The following CDC5L variants were observed in gnomAD, a reference collection of about 807,000 sequenced individuals.
CDC5L encodes cell division cycle 5 like.
A neutral mutation model predicts 104.1 loss-of-function variants in CDC5L; 18 were observed. The ratio of observed to expected loss-of-function variants is 0.17; its 90% CI spans 0.12 to 0.26. CDC5L has a LOEUF of 0.26. Ranked by LOEUF, CDC5L falls within the 10% of genes least tolerant of loss-of-function variation. The pLI is 1.00. For synonymous variants in CDC5L, 331 were observed against 322.7 expected, an observed-to-expected ratio of 1.03 and a Z score of -0.28; for missense variants, 673 against 956.9, an observed-to-expected ratio of 0.70 and a Z score of 3.91.
chr6:44,440,887 T>C (rs531989056), intron 14 of CDC5L, among the ~76,000 whole-genome samples: 14 of 152,138 alleles, frequency 9.2e-5, no homozygotes, highest in Admixed American at 6.5e-4. Flanking sequence ...TTTGTATTTT[T>C]AATAGAGATG....
Position 44,390,366 on chromosome 6 carries a change from C to A in CDC5L, c.144C>A (p.Ala48=). 1 of 1,594,204 alleles carries A rather than the reference C, an allele frequency of 6.3e-7. No individual in the cohort carries two copies. The highest frequency in any genetic ancestry group is 8.6e-7 in the Non-Finnish European group (1 of 1,162,534). Residue 48 remains alanine (A), a synonymous_variant, in exon 2 of 16, where the codon GCC becomes GCA. Transcript: ENST00000371477. The part of the protein sequence containing the change: ...LHRKSAKQCK[A]RWYEWLDPSI... ...GAAAATCAGCAAAGCAGTGCAAAGC[C>A]AGATGGTATGTATCAGTTTAATAAG... is the stretch of plus-strand genomic sequence containing the variant.
chr6:44,424,286 C>T, intron 10 of CDC5L, 133 bp from the exon 11 acceptor site: 1 of 755,474 alleles, frequency 1.3e-6, no homozygotes, highest in South Asian at 2.0e-5. Context: ...TCCAATTATT[C>T]TTAGTTATTT....
At chr6:44,400,680 C>A (rs1452075794) in intron 5 of CDC5L, among the ~76,000 whole-genome samples, 4 of 152,168 alleles carry the variant, frequency 2.6e-5, no homozygotes, top group Non-Finnish European at 5.9e-5. Flanking sequence ...GCGTGTCTGG[C>A]CAATTTTAGT....
chr6:44,425,866 A>C (rs111742042), intron 11 of CDC5L, among the ~76,000 whole-genome samples: 1 of 152,046 alleles, frequency 6.6e-6, no homozygotes, highest in Admixed American at 6.6e-5. Context: ...ATATGGATCC[A>C]TGCAAGTTTG....
At chr6:44,412,003 T>C (rs1236716506) in intron 8 of CDC5L, among the ~76,000 whole-genome samples, 1 of 152,050 alleles carries the variant, frequency 6.6e-6, no homozygotes, top group East Asian at 1.9e-4. Flanking sequence ...ACCTAAACAG[T>C]CCAGAATACA....
At chr6:44,400,512 A>G (rs1431420723) in intron 5 of CDC5L, among the ~76,000 whole-genome samples, 2 of 152,060 alleles carry the variant, frequency 1.3e-5, no homozygotes, top group Admixed American at 1.3e-4. Context: ...TTCAGCCTCC[A>G]GAGTAGCTGG....
In CDC5L at chr6:44,419,421, C is replaced by T. The variant is rs376245808; in HGVS notation, c.1093-28C>T. 9 of 1,611,300 alleles carry T rather than the reference C, an allele frequency of 5.6e-6. No homozygotes were observed. The African/African-American group carries it at 1.2e-4, about 22-fold the overall frequency. ...CTGCAAGTCTGTCTAAACTTTTAAA[C>T]TTGCTTCTTTGTCTTCTTGTTAATC... is the stretch of plus-strand genomic sequence containing the variant. On this transcript the variant is annotated intron_variant, in intron 8 of 15. Transcript: ENST00000371477.
intron 14 of CDC5L, among the ~76,000 whole-genome samples, chr6:44,432,160 A>G (rs996720398): frequency 1.3e-5 from 2 of 152,220 alleles, no homozygotes; most frequent in African/African-American, 4.8e-5. Context: ...GGTTTCTTTT[A>G]GCTTGTTTTA....
chr6:44,416,036 G>A (rs1349642033), intron 8 of CDC5L, among the ~76,000 whole-genome samples: 1 of 152,074 alleles, frequency 6.6e-6, no homozygotes, highest in African/African-American at 2.4e-5. Context: ...TGATAAAGGC[G>A]GTACCTCTGG....
At chr6:44,401,577 A>C (rs1791126608) in intron 5 of CDC5L, among the ~76,000 whole-genome samples, 1 of 152,076 alleles carries the variant, frequency 6.6e-6, no homozygotes, top group African/African-American at 2.4e-5. Flanking sequence ...TGGAATCTCC[A>C]TTCCTCTGAG....
At chr6:44,392,571 T>C in intron 2 of CDC5L, 96 bp from the exon 3 acceptor site, 1 of 1,091,816 alleles carries the variant, frequency 9.2e-7, no homozygotes, top group Non-Finnish European at 1.3e-6. Flanking sequence ...GTTTTTGTAA[T>C]TGAAGGATGA....
Position 44,401,923 on chromosome 6 carries a change from C to T in CDC5L, c.540-1886C>T, listed in dbSNP as rs1463316773. On this transcript the variant is annotated intron_variant, in intron 5 of 15. Transcript: ENST00000371477. The stretch of plus-strand genomic sequence containing the variant: ...TGCGGTGTTTGGTTTTTTGTTCTTG[C>T]GATAGTTTACTGAGAATGATGATTT... 4.5e-5 allele frequency among the ~76,000 whole-genome samples: 6 copies of T among 134,562 alleles called. No individual in the cohort carries two copies. In the South Asian group the frequency reaches 1.0e-3, roughly 23 times the overall value. 88.3% of individuals were successfully genotyped at this position (134,562 alleles called of 152,430 possible).
intron 10 of CDC5L, among the ~76,000 whole-genome samples, chr6:44,423,775 T>C (rs1039601491): frequency 5.9e-5 from 9 of 152,340 alleles, no homozygotes; most frequent in Non-Finnish European, 1.3e-4. Flanking sequence ...GGATTTAGTA[T>C]TTCCATTAAA....
In CDC5L at chr6:44,387,970, C is replaced by G; in HGVS notation, c.45+102C>G. 6 of 1,117,668 alleles carry G rather than the reference C, an allele frequency of 5.4e-6. No individual in the cohort carries two copies. The South Asian group carries it at 5.4e-5, about 10-fold the overall frequency. The allele number at this position is 1,117,668 out of a possible 1,614,324, so 69.2% of individuals were successfully genotyped here. A position where few individuals can be genotyped will look rare whatever the true frequency, so the allele number is the denominator to read the frequency against. On this transcript the variant is annotated intron_variant, in intron 1 of 15. Transcript: ENST00000371477. Reference sequence around the variant, plus strand: ...GGGCGACGAGGAGACCCTGTGGGGTCTGCGTGGAGGGCAGCCCGGGGGCTG... The same window carrying G: ...GGGCGACGAGGAGACCCTGTGGGGTGTGCGTGGAGGGCAGCCCGGGGGCTG...
At chr6:44,433,791 A>G (rs1792797578) in intron 14 of CDC5L, among the ~76,000 whole-genome samples, 1 of 152,194 alleles carries the variant, frequency 6.6e-6, no homozygotes. Flanking sequence ...TGAAGGTTAT[A>G]TTTCTGCAAA....
At chr6:44,442,941 GA>G (rs1347659693) in intron 14 of CDC5L, among the ~76,000 whole-genome samples, 1 of 152,038 alleles carries the variant, frequency 6.6e-6, no homozygotes, top group Non-Finnish European at 1.5e-5. Flanking sequence ...GCTATTGATT[GA>G]AAAAGTCTTT....
intron 14 of CDC5L, among the ~76,000 whole-genome samples, chr6:44,442,431 G>A (rs1793243623): frequency 6.6e-6 from 1 of 150,690 alleles, no homozygotes; most frequent in South Asian, 2.1e-4. Context: ...TTCTGTAGTG[G>A]TATGCTTTGG....
intron 5 of CDC5L, among the ~76,000 whole-genome samples, chr6:44,402,521 T>C (rs1791178909): frequency 2.0e-5 from 3 of 152,248 alleles, no homozygotes; most frequent in African/African-American, 7.2e-5. Context: ...CATGCTGTCA[T>C]GCTGGAAGTT....
At chr6:44,441,990 G>A (rs984162626) in intron 14 of CDC5L, among the ~76,000 whole-genome samples, 9 of 141,126 alleles carry the variant, frequency 6.4e-5, no homozygotes, top group Non-Finnish European at 1.4e-4. Context: ...AGGCTGGAGT[G>A]CAGTGGTGCG....
Sources: allele counts gnomAD v4.1 joint callset (sites outside exome capture counted in the v4.1 genomes callset), GRCh38; gene constraint gnomAD v4.1.1; transcripts MANE v1.5; gene names NCBI Gene and HGNC (gene_info 2026-07-23, HGNC 2026-07-21).